UNKL: variants seen among roughly 807,000 people sequenced by gnomAD.
UNKL encodes the protein putative E3 ubiquitin-protein ligase UNKL.
UNKL carries 60 observed loss-of-function variants against 78.0 expected under a neutral mutation model. The ratio of observed to expected loss-of-function variants is 0.77; its 90% CI spans 0.63 to 0.95. UNKL has a LOEUF of 0.95. Among genes scored for constraint, UNKL ranks in the 40% least tolerant of loss-of-function variants. UNKL has a pLI of 0.00. For synonymous variants in UNKL, 608 were observed against 474.8 expected, an observed-to-expected ratio of 1.28 and a Z score of -3.65; for missense variants, 1,159 against 1,045.7, an observed-to-expected ratio of 1.11 and a Z score of -1.49.
chr16:1,390,534 C>G (rs2037003857), intron 9 of UNKL, 98 bp downstream of exon 9: 2 of 1,322,232 alleles, frequency 1.5e-6, no homozygotes, highest in Admixed American at 4.5e-5. Context: ...TGCATGAGCG[C>G]TGCCCTAACG....
At chr16:1,370,004 CAT>C in intron 12 of UNKL, 124 bp downstream of exon 12, 1 of 1,551,158 alleles carries the variant, frequency 6.4e-7, no homozygotes, top group Non-Finnish European at 8.7e-7. Flanking sequence ...AGCAGCAGGT[CAT>C]GTGGTTTGCC....
At chr16:1,406,232 T>TG (rs2037757440) in intron 2 of UNKL, among the ~76,000 whole-genome samples, 1 of 151,580 alleles carries the variant, frequency 6.6e-6, no homozygotes, top group Admixed American at 6.6e-5. Context: ...TTTTTTTTTT[T>TG]GAGACAGAGT....
Position 1,366,285 on chromosome 16 carries a change from G to A in UNKL, c.2157C>T (p.Thr719=), listed in dbSNP as rs373042707. ...HHILCEPCAA[T]APECPYCKGQ... is the part of the protein sequence containing the mutation. ...CCTTGCAGTAGGGGCACTCAGGTGC[G>A]GTGGCCGCACACGGCTCACAGAGGA... is the stretch of plus-strand genomic sequence containing the variant. The change falls in exon 15 of 15, where the codon ACC becomes ACT. Residue 719 remains threonine (T), a synonymous_variant. Transcript: ENST00000389221. The A allele has an allele frequency of 2.0e-4, 320 of 1,595,212 alleles. No homozygotes were observed. Among genetic ancestry groups the A allele is most frequent in the Non-Finnish European group, 2.5e-4 (298 of 1,172,494 alleles).
In UNKL at chr16:1,371,437, C is replaced by T. The variant is rs549067357; in HGVS notation, c.1357+82G>A. ...CAGCTCACTGCAGCCTTGACCTCCCCGGGCTCAAGCGATCCTCCGGCCACA... is the reference window on the plus strand; with the variant it reads ...CAGCTCACTGCAGCCTTGACCTCCCTGGGCTCAAGCGATCCTCCGGCCACA... On this transcript the variant is annotated intron_variant, in intron 11 of 14. Coordinates refer to ENST00000389221, the MANE Select transcript of UNKL (RefSeq NM_001372107.1). 8.1e-5 allele frequency: 113 copies of T among 1,398,086 alleles called. 3 individuals are homozygous for T. The South Asian group carries it at 1.2e-3, about 15-fold the overall frequency. The allele number at this position is 1,398,086 out of a possible 1,614,324, so 86.6% of individuals were successfully genotyped here.
At chr16:1,380,109 C>T (rs539173246) in intron 10 of UNKL, among the ~76,000 whole-genome samples, 9 of 152,340 alleles carry the variant, frequency 5.9e-5, no homozygotes, top group Admixed American at 2.6e-4. Flanking sequence ...GCTCGCAGGT[C>T]TCTCTTAATC....
rs142962924 is a variant in UNKL, at chr16:1,392,520, C to T, written c.1023+371G>A. On this transcript the variant is annotated intron_variant, in intron 8 of 14. Transcript: ENST00000389221. ...CGGGACCTCACCTCACCACAACCTCCGTCTCCTGGGTTCAAGTGATTCTCC... is the reference window on the plus strand; with the variant it reads ...CGGGACCTCACCTCACCACAACCTCTGTCTCCTGGGTTCAAGTGATTCTCC... Among the ~76,000 whole-genome samples, 444 of 152,256 alleles carry T rather than the reference C, an allele frequency of 2.9e-3. 2 individuals carry two copies. The highest frequency in any genetic ancestry group is 9.7e-3 in the African/African-American group (403 of 41,536).
At chr16:1,412,790 G>A (rs2038100188) in intron 2 of UNKL, among the ~76,000 whole-genome samples, 1 of 152,190 alleles carries the variant, frequency 6.6e-6, no homozygotes, top group African/African-American at 2.4e-5. Flanking sequence ...GGGCGCAGTG[G>A]ATCATGCCTG....
intron 10 of UNKL, among the ~76,000 whole-genome samples, chr16:1,375,138 G>A (rs951478354): frequency 1.3e-5 from 2 of 152,186 alleles, no homozygotes; most frequent in East Asian, 3.9e-4. Context: ...GAGCCCCCCA[G>A]GGCAGCCGGA....
chr16:1,392,966 C>A lies in UNKL; in HGVS notation c.948G>T (p.Gly316=). The change falls in exon 8 of 15, where the codon GGG becomes GGT. Residue 316 remains glycine (G), a synonymous_variant. Transcript: ENST00000389221. ...CGTGACAGCCCCATTCATTCACCATCCCCAGGCTCTCTGCAAGGACAGGGG... is the reference window on the plus strand; with the variant it reads ...CGTGACAGCCCCATTCATTCACCATACCCAGGCTCTCTGCAAGGACAGGGG... ...CAFAHVEKSL[G]MVNEWGCHDL... The A allele has an allele frequency of 6.4e-7, 1 of 1,550,534 alleles. No homozygotes were observed. The highest frequency in any genetic ancestry group is 8.7e-7 in the Non-Finnish European group (1 of 1,146,990).
At chr16:1,367,557 GCCCT>G (rs371238450) in intron 13 of UNKL, 95 bp downstream of exon 13, 20 of 386,136 alleles carry the variant, frequency 5.2e-5, no homozygotes, top group East Asian at 3.8e-4. Context: ...GTCACCTGCG[GCCCT>G]CCCTCCCTCC....
intron 6 of UNKL, chr16:1,394,423 A>C (rs2037174714): frequency 1.4e-6 from 1 of 701,442 alleles, no homozygotes; most frequent in African/African-American, 1.7e-5. Flanking sequence ...GGGAACACGC[A>C]CACATGTGGG....
chr16:1,376,011 C>T (rs1053127455), intron 10 of UNKL, among the ~76,000 whole-genome samples: 1 of 152,218 alleles, frequency 6.6e-6, no homozygotes, highest in African/African-American at 2.4e-5. Flanking sequence ...CACTGAGCGG[C>T]CTTGGACAGG....
intron 10 of UNKL, among the ~76,000 whole-genome samples, chr16:1,384,423 G>A (rs1252172483): frequency 6.6e-6 from 1 of 151,960 alleles, no homozygotes; most frequent in Admixed American, 6.6e-5. Context: ...GCCCCCACGG[G>A]TCCCCACAGC....
intron 12 of UNKL, chr16:1,368,062 T>C: frequency 1.7e-6 from 1 of 595,104 alleles, no homozygotes; most frequent in Non-Finnish European, 3.0e-6. Context: ...CAGTGACACC[T>C]GCCCCGGCCG....
At chr16:1,397,847 A>T (rs1007514381) in intron 5 of UNKL, among the ~76,000 whole-genome samples, 1 of 152,170 alleles carries the variant, frequency 6.6e-6, no homozygotes, top group Non-Finnish European at 1.5e-5. Context: ...AGGGGGACAC[A>T]GGAAAACATG....
rs772028452 is a variant in UNKL, at chr16:1,364,294, G to A, written c.*1946C>T. Reference sequence around the variant, plus strand: ...GAATGTTGCTATCAGTTTGTCTTACGTTAAAACAGTTCTTAAACCACCTAC... The same window carrying A: ...GAATGTTGCTATCAGTTTGTCTTACATTAAAACAGTTCTTAAACCACCTAC... On this transcript the variant is annotated 3_prime_UTR_variant, in exon 15 of 15. Transcript: ENST00000389221. 3 of 152,166 alleles carry A rather than the reference G, an allele frequency of 2.0e-5. No homozygotes were observed. Among genetic ancestry groups the A allele is most frequent in the Admixed American group, 6.6e-5 (1 of 15,266 alleles). 9.4% of individuals were successfully genotyped at this position (152,166 alleles called of 1,614,324 possible).
At chr16:1,405,724 G>C (rs560665043) in intron 2 of UNKL, among the ~76,000 whole-genome samples, 20 of 151,866 alleles carry the variant, frequency 1.3e-4, no homozygotes, top group Non-Finnish European at 5.9e-5. Flanking sequence ...CGGGGGTCGG[G>C]TGACAAACAC....
intron 2 of UNKL, among the ~76,000 whole-genome samples, chr16:1,408,024 G>C (rs987766348): frequency 6.6e-6 from 1 of 151,948 alleles, no homozygotes; most frequent in African/African-American, 2.4e-5. Context: ...AGGATCAGCT[G>C]AGTCCAGGAG....
At chr16:1,408,224 C>A (rs1017864362) in intron 2 of UNKL, among the ~76,000 whole-genome samples, 2 of 151,704 alleles carry the variant, frequency 1.3e-5, no homozygotes, top group Non-Finnish European at 2.9e-5. Context: ...CTCAGCTACA[C>A]CCCCGGGGCC....
Sources: allele counts gnomAD v4.1 joint callset (sites outside exome capture counted in the v4.1 genomes callset), GRCh38; gene constraint gnomAD v4.1.1; transcripts MANE v1.5; gene names NCBI Gene and HGNC (gene_info 2026-07-23, HGNC 2026-07-21).